MTMR8: variants seen among roughly 807,000 people sequenced by gnomAD.
The protein encoded by MTMR8 is phosphatidylinositol-3,5-bisphosphate 3-phosphatase MTMR8.
Under a neutral mutation model 39.3 loss-of-function variants are expected in MTMR8, and 65 were observed. That is an observed-to-expected ratio of 1.65 (90% CI 1.35 to 2.03). The LOEUF (loss-of-function observed/expected upper bound fraction) is 2.03. Among genes scored for constraint, MTMR8 ranks in the 30% most tolerant of loss-of-function variants. MTMR8 has a pLI of 0.00. For synonymous variants in MTMR8, 245 were observed against 185.2 expected (o/e 1.32, Z -2.62); for missense variants, 777 against 538.9 (o/e 1.44, Z -4.37).
chrX:64,305,634 T>C, intron 12 of MTMR8: 1 of 533,045 alleles, frequency 1.9e-6, no homozygotes, highest in Middle Eastern at 5.6e-4. Flanking sequence ...AGGAACCAAA[T>C]GAGGAACTAT....
intron 11 of MTMR8, 47 bp from the exon 12 acceptor site, chrX:64,328,947 G>A (rs1474236812): frequency 4.4e-6 from 5 of 1,147,160 alleles, no homozygotes; most frequent in African/African-American, 3.7e-5. Flanking sequence ...CAGGAAGCAA[G>A]TAATCTCAAT....
intron 13 of MTMR8, among the ~76,000 whole-genome samples, chrX:64,270,604 T>C (rs1465964078): frequency 1.8e-5 from 2 of 112,368 alleles, no homozygotes; most frequent in Admixed American, 9.4e-5. Context: ...ACTGTTCTTA[T>C]CAGTATACCC....
At chrX:64,333,369 A>T (rs760490670) in intron 10 of MTMR8, among the ~76,000 whole-genome samples, 4 of 111,610 alleles carry the variant, frequency 3.6e-5, no homozygotes, top group Non-Finnish European at 7.5e-5. Flanking sequence ...AGTAGAAAAA[A>T]AAATTTCTAA....
chrX:64,302,799 G>T (rs1196914035), intron 12 of MTMR8, among the ~76,000 whole-genome samples: 2 of 112,024 alleles, frequency 1.8e-5, no homozygotes, highest in Non-Finnish European at 3.8e-5. Flanking sequence ...AAAACTGTAG[G>T]GCAATAAAGA....
At chrX:64,288,354 A>G (rs1393060981) in intron 12 of MTMR8, among the ~76,000 whole-genome samples, 1 of 111,608 alleles carries the variant, frequency 9.0e-6, no homozygotes, top group Non-Finnish European at 1.9e-5. Flanking sequence ...CGATCATTAA[A>G]AAGTCAGGAA....
chrX:64,355,310 C>A (rs1034361871), intron 3 of MTMR8, among the ~76,000 whole-genome samples: 1 of 111,835 alleles, frequency 8.9e-6, no homozygotes, highest in Non-Finnish European at 1.9e-5. Context: ...CTTATTGTAA[C>A]ATGTTGCACA....
chrX:64,320,772 G>T (rs186063650), intron 12 of MTMR8, among the ~76,000 whole-genome samples: 1 of 111,490 alleles, frequency 9.0e-6, no homozygotes, highest in African/African-American at 3.3e-5. Flanking sequence ...TATGTGAAAA[G>T]ACCCTAAGCT....
chrX:64,393,299 T>A (rs1205344858), intron 1 of MTMR8, among the ~76,000 whole-genome samples: 1 of 111,911 alleles, frequency 8.9e-6, no homozygotes, highest in African/African-American at 3.2e-5. Context: ...ATATTTCAGG[T>A]AAAATATTGA....
intron 12 of MTMR8, among the ~76,000 whole-genome samples, chrX:64,307,030 G>A (rs916705010): frequency 2.7e-5 from 3 of 111,994 alleles, no homozygotes; most frequent in Non-Finnish European, 3.8e-5. Context: ...CTCAATCTCT[G>A]CACACCTTTT....
In MTMR8 at chrX:64,268,431, T is replaced by A. The variant is rs1931675778; in HGVS notation, c.*106A>T. 2 of 998,453 alleles carry A rather than the reference T, an allele frequency of 2.0e-6. No individual in the cohort carries two copies. The highest frequency in any genetic ancestry group is 3.9e-5 in the African/African-American group (2 of 51,831). The allele number at this position is 998,453 out of a possible 1,213,427, so 82.3% of individuals were successfully genotyped here. ...GACTTAAGTGGGGAGAGGGGTGCCC[T>A]GGCTTCACCCACTTAAACCAATTGG... On this transcript the variant is annotated 3_prime_UTR_variant, in exon 14 of 14. Transcript: ENST00000374852.
intron 7 of MTMR8, 45 bp downstream of exon 7, chrX:64,345,000 C>A (rs771993787): frequency 8.4e-7 from 1 of 1,189,878 alleles, no homozygotes; most frequent in South Asian, 1.9e-5. Flanking sequence ...TACATGATAA[C>A]GCAAAGCTAT....
chrX:64,294,550 G>A (rs1921502264), intron 12 of MTMR8, among the ~76,000 whole-genome samples: 2 of 111,826 alleles, frequency 1.8e-5, no homozygotes, highest in African/African-American at 6.5e-5. Flanking sequence ...AGAGGGGATG[G>A]TATCTTAGTC....
At chrX:64,301,940 C>T (rs990092416) in intron 12 of MTMR8, among the ~76,000 whole-genome samples, 10 of 111,991 alleles carry the variant, frequency 8.9e-5, no homozygotes, top group Non-Finnish European at 1.3e-4. Context: ...TCTCCAGCTG[C>T]GTGCTGGGAG....
intron 1 of MTMR8, among the ~76,000 whole-genome samples, chrX:64,389,382 T>G (rs1038904595): frequency 9.0e-6 from 1 of 111,485 alleles, no homozygotes; most frequent in Non-Finnish European, 1.9e-5. Flanking sequence ...CTAAAGCACT[T>G]AAGTATTTTA....
At chrX:64,291,876 T>C (rs1182102062) in intron 12 of MTMR8, among the ~76,000 whole-genome samples, 1 of 111,663 alleles carries the variant, frequency 9.0e-6, no homozygotes, top group Non-Finnish European at 1.9e-5. Flanking sequence ...CCATCAGAAC[T>C]GACTTTTGAG....
intron 12 of MTMR8, among the ~76,000 whole-genome samples, chrX:64,282,669 C>A (rs1350441990): frequency 9.0e-6 from 1 of 111,179 alleles, no homozygotes; most frequent in Non-Finnish European, 1.9e-5. Flanking sequence ...CTGAATTCAG[C>A]AATCTTATAT....
intron 1 of MTMR8, among the ~76,000 whole-genome samples, chrX:64,391,636 C>T (rs758735566): frequency 8.9e-6 from 1 of 112,050 alleles, no homozygotes; most frequent in Non-Finnish European, 1.9e-5. Flanking sequence ...TAATTAATAA[C>T]GATGATGATA....
intron 8 of MTMR8, among the ~76,000 whole-genome samples, chrX:64,340,111 G>A (rs778978672): frequency 1.3e-4 from 14 of 111,612 alleles, no homozygotes; most frequent in Non-Finnish European, 1.9e-4. Context: ...GGCTAGCAGG[G>A]CAGGTAGAGT....
At chrX:64,353,635 G>A (rs149371818) in intron 4 of MTMR8, among the ~76,000 whole-genome samples, 1,182 of 111,788 alleles carry the variant, frequency 0.011, 10 homozygotes, top group Non-Finnish European at 0.014. Context: ...ATACACAATT[G>A]GTAGGAATGT....
Sources: allele counts gnomAD v4.1 joint callset (sites outside exome capture counted in the v4.1 genomes callset), GRCh38; gene constraint gnomAD v4.1.1; transcripts MANE v1.5; gene names NCBI Gene and HGNC (gene_info 2026-07-23, HGNC 2026-07-21).